Variants in CALCB observed in about 807,000 individuals in gnomAD.
The protein encoded by CALCB is calcitonin related polypeptide beta.
Under a neutral mutation model 10.7 loss-of-function variants are expected in CALCB, and 8 were observed. The observed-to-expected ratio is 0.75, with a 90% CI of 0.44 to 1.34. The LOEUF (loss-of-function observed/expected upper bound fraction) is 1.34. Among genes scored for constraint, CALCB ranks in the 40% most tolerant of loss-of-function variants. The probability of loss-of-function intolerance (pLI) is 0.01; values close to 1 mark genes in which losing one functional copy is unlikely to be tolerated. For missense variants in CALCB, 176 were observed against 162.5 expected (o/e 1.08, Z -0.45); for synonymous variants, 76 against 66.9 (o/e 1.14, Z -0.66).
chr11:15,076,666 A>G (rs1239415114), intron 3 of CALCB, among the ~76,000 whole-genome samples: 2 of 152,212 alleles, frequency 1.3e-5, no homozygotes, highest in Admixed American at 6.5e-5. Context: ...CATTAGATGA[A>G]TCAATCTATT....
intron 3 of CALCB, among the ~76,000 whole-genome samples, chr11:15,076,251 T>C (rs1338360145): frequency 6.6e-6 from 1 of 152,150 alleles, no homozygotes; most frequent in Non-Finnish European, 1.5e-5. Flanking sequence ...CCTGAAAAAC[T>C]TTCATATGTT....
In CALCB at chr11:15,074,698, C is replaced by T. The variant is rs1192869361; in HGVS notation, c.-9-12C>T. On this transcript the variant is annotated splice_polypyrimidine_tract_variant and intron_variant, in intron 1 of 4. Coordinates refer to ENST00000324229, the MANE Select transcript of CALCB (RefSeq NM_000728.4). ...GTGCTGGTGCAGTAGTAACGTCATC[C>T]TTCCTTTACAGAGAGGCGGCATGGG... 2 of 1,604,730 alleles carry T rather than the reference C, an allele frequency of 1.2e-6. No homozygotes were observed. The highest frequency in any genetic ancestry group is 4.5e-5 in the East Asian group (2 of 44,828).
rs763302126 is a variant in CALCB at position 15,077,394 on chromosome 11, C to T, written c.333C>T (p.Thr111=). ...TGGTGAAGAGCAACTTCGTGCCCAC[C>T]AATGTGGGTTCCAAAGCCTTTGGCA... ...GGMVKSNFVP[T]NVGSKAFGRR... is the part of the protein sequence containing the mutation. Residue 111 remains threonine, a synonymous_variant, in exon 4 of 5, where the codon ACC becomes ACT. Transcript: ENST00000324229. 4.2e-5 allele frequency: 68 copies of T among 1,614,230 alleles called. No homozygotes were observed. The Middle Eastern group carries it at 6.6e-4, about 16-fold the overall frequency.
chr11:15,076,572 A>G (rs1850396923), intron 3 of CALCB, among the ~76,000 whole-genome samples: 1 of 152,360 alleles, frequency 6.6e-6, no homozygotes, highest in South Asian at 2.1e-4. Flanking sequence ...GCTTCTTGAG[A>G]CTGTAGAGGG....
chr11:15,073,878 C>A (rs1309211456), intron 1 of CALCB, among the ~76,000 whole-genome samples: 1 of 152,240 alleles, frequency 6.6e-6, no homozygotes, highest in Admixed American at 6.5e-5. Flanking sequence ...CCCAAGCATC[C>A]CCATGGCTCA....
intron 3 of CALCB, among the ~76,000 whole-genome samples, chr11:15,076,745 C>T (rs1850398814): frequency 6.6e-6 from 1 of 152,188 alleles, no homozygotes; most frequent in South Asian, 2.1e-4. Flanking sequence ...GTGTCCAGTG[C>T]CTATGCTCAG....
rs1208858323 is a variant in CALCB at position 15,078,283 on chromosome 11, C to A, written c.*226C>A. On this transcript the variant is annotated 3_prime_UTR_variant, in exon 5 of 5. Transcript: ENST00000324229. Reference sequence around the variant, plus strand: ...ATCATTTTTATATTTAATTCTATGTCCAGTAAAAGTGATGGCATCTCTCAT... The same window carrying A: ...ATCATTTTTATATTTAATTCTATGTACAGTAAAAGTGATGGCATCTCTCAT... 3 of 152,170 alleles carry A rather than the reference C, an allele frequency of 2.0e-5. No individual in the cohort carries two copies. The East Asian group carries it at 5.8e-4, about 29-fold the overall frequency. 9.4% of individuals were successfully genotyped at this position (152,170 alleles called of 1,614,324 possible).
intron 1 of CALCB, 36 bp from the exon 2 acceptor site, chr11:15,074,674 T>G (rs1229986300): frequency 6.6e-7 from 1 of 1,522,074 alleles, no homozygotes; most frequent in East Asian, 2.2e-5. Context: ...CCTAGATCTG[T>G]GCTGGTGCAG....
rs1850413573 is a variant in CALCB at position 15,078,311 on chromosome 11, A to T, written c.*254A>T. ...GTAAAAGTGATGGCATCTCTCATTGACTTATCTGGTAGCAAACTGGTTCTT... is the reference window on the plus strand; with the variant it reads ...GTAAAAGTGATGGCATCTCTCATTGTCTTATCTGGTAGCAAACTGGTTCTT... On this transcript the variant is annotated 3_prime_UTR_variant, in exon 5 of 5. Transcript: ENST00000324229. 1 of 152,190 alleles carries T rather than the reference A, an allele frequency of 6.6e-6. No individual in the cohort carries two copies. The highest frequency in any genetic ancestry group is 2.1e-4 in the South Asian group (1 of 4,820). The allele number at this position is 152,190 out of a possible 1,614,324, so 9.4% of individuals were successfully genotyped here.
In CALCB at chr11:15,074,708, A is replaced by G. The variant is rs1416204186; in HGVS notation, c.-9-2A>G. On this transcript the variant is annotated splice_acceptor_variant, in intron 1 of 4. Transcript: ENST00000324229. LOFTEE classifies it low-confidence loss of function (5UTR_SPLICE). ...AGTAGTAACGTCATCCTTCCTTTAC[A>G]GAGAGGCGGCATGGGTTTCCGGAAG... is the stretch of plus-strand genomic sequence containing the variant. 1.3e-5 allele frequency: 21 copies of G among 1,611,716 alleles called. No individual in the cohort carries two copies. The highest frequency in any genetic ancestry group is 1.7e-5 in the Admixed American group (1 of 59,932).
intron 1 of CALCB, among the ~76,000 whole-genome samples, chr11:15,074,043 AC>A (rs1420493321): frequency 6.6e-6 from 1 of 152,164 alleles, no homozygotes; most frequent in Admixed American, 6.5e-5. Context: ...GGAGGTCGGA[AC>A]CCTGAGCTTT....
At chr11:15,077,755 G>T (rs1468713577) in intron 4 of CALCB, among the ~76,000 whole-genome samples, 1 of 152,148 alleles carries the variant, frequency 6.6e-6, no homozygotes, top group Admixed American at 6.5e-5. Context: ...CATTCATTAG[G>T]CTGGTTTCAG....
At chr11:15,077,214 T>G in intron 3 of CALCB, 72 bp from the exon 4 acceptor site, 1 of 1,533,084 alleles carries the variant, frequency 6.5e-7, no homozygotes, top group Middle Eastern at 1.9e-4. Context: ...GTGTTGCAGT[T>G]CTCTTCATGA....
chr11:15,075,210 C>T lies in CALCB; in HGVS notation c.224+12C>T, dbSNP rs369493517. ...ACACAGGGCTCCAGGTGAGGTTCCC[C>T]AAGCGCCCAGCACAGGGACTCCTCT... On this transcript the variant is annotated intron_variant, in intron 3 of 4. Coordinates refer to ENST00000324229, the MANE Select transcript of CALCB (RefSeq NM_000728.4). 10 of 1,613,822 alleles carry T rather than the reference C, an allele frequency of 6.2e-6. No individual in the cohort carries two copies. Among genetic ancestry groups the T allele is most frequent in the Admixed American group, 1.7e-5 (1 of 60,002 alleles).
chr11:15,074,951 G>T, intron 2 of CALCB, 110 bp from the exon 3 acceptor site: 1 of 1,461,070 alleles, frequency 6.8e-7, no homozygotes, highest in Non-Finnish European at 9.5e-7. Context: ...GGGAGTCGCG[G>T]TGGCCACATC....
At chr11:15,075,645 T>A in intron 3 of CALCB, among the ~76,000 whole-genome samples, 1 of 152,132 alleles carries the variant, frequency 6.6e-6, no homozygotes, top group Non-Finnish European at 1.5e-5. Flanking sequence ...ATGCCATTCT[T>A]TCATACCTGC....
intron 3 of CALCB, among the ~76,000 whole-genome samples, chr11:15,075,527 C>A (rs1850386273): frequency 6.6e-6 from 1 of 152,146 alleles, no homozygotes; most frequent in Non-Finnish European, 1.5e-5. Context: ...GTGGAAATTG[C>A]TCTTGCAGTA....
At position 15,078,312 on chromosome 11, in the gene CALCB, C is replaced by A. The variant is rs1269904721; in HGVS notation, c.*255C>A. 2 of 152,196 alleles carry A rather than the reference C, an allele frequency of 1.3e-5. No individual in the cohort carries two copies. Among genetic ancestry groups the A allele is most frequent in the Non-Finnish European group, 2.9e-5 (2 of 68,044 alleles). The allele number at this position is 152,196 out of a possible 1,614,324, so 9.4% of individuals were successfully genotyped here. ...TAAAAGTGATGGCATCTCTCATTGA[C>A]TTATCTGGTAGCAAACTGGTTCTTT... On this transcript the variant is annotated 3_prime_UTR_variant, in exon 5 of 5. Transcript: ENST00000324229.
Position 15,074,746 on chromosome 11 carries a change from C to T in CALCB, c.28C>T (p.Leu10=), listed in dbSNP as rs1850377986. 6.2e-7 allele frequency: 1 copy of T among 1,614,184 alleles called. No individual in the cohort carries two copies. ...GGGTTTCCGGAAGTTCTCCCCCTTC[C>T]TGGCTCTCAGTATCTTGGTCCTGTA... MGFRKFSPF[L]ALSILVLYQA... is the part of the protein sequence containing the mutation. Residue 10 remains leucine (L), a synonymous_variant, in exon 2 of 5, where the codon CTG becomes TTG. Coordinates refer to ENST00000324229, the MANE Select transcript of CALCB (RefSeq NM_000728.4).
Sources: allele counts gnomAD v4.1 joint callset (sites outside exome capture counted in the v4.1 genomes callset), GRCh38; gene constraint gnomAD v4.1.1; transcripts MANE v1.5; gene names NCBI Gene and HGNC (gene_info 2026-07-23, HGNC 2026-07-21).